The following TCF7L2 variants were observed in gnomAD, a reference collection of about 807,000 sequenced individuals.
TCF7L2 encodes the protein transcription factor 7 like 2, also known as transcription factor 7-like 2.
Under a neutral mutation model 77.9 loss-of-function variants are expected in TCF7L2, and 23 were observed. The observed-to-expected ratio is 0.30, with a 90% CI of 0.21 to 0.42. The LOEUF is 0.42. TCF7L2 is among the 10% of genes least tolerant of loss of function. The pLI is 1.00. For missense variants in TCF7L2, 654 were observed against 793.1 expected, an observed-to-expected ratio of 0.82 and a Z score of 2.11; for synonymous variants, 413 against 340.2, an observed-to-expected ratio of 1.21 and a Z score of -2.36.
chr10:113,045,780 T>C (rs2134401239), intron 5 of TCF7L2, among the ~76,000 whole-genome samples: 1 of 152,346 alleles, frequency 6.6e-6, no homozygotes, highest in African/African-American at 2.4e-5. Context: ...TTTTTATTTA[T>C]TTTATTCATT....
At chr10:113,072,749 T>C (rs1234620996) in intron 5 of TCF7L2, among the ~76,000 whole-genome samples, 1 of 152,190 alleles carries the variant, frequency 6.6e-6, no homozygotes, top group Non-Finnish European at 1.5e-5. Context: ...AAGTTTTTAT[T>C]TGTGGTGCAC....
At chr10:112,971,498 G>A (rs940209738) in intron 4 of TCF7L2, among the ~76,000 whole-genome samples, 2 of 151,772 alleles carry the variant, frequency 1.3e-5, no homozygotes, top group African/African-American at 4.8e-5. Flanking sequence ...TAGTAAAGAC[G>A]GGGGTTTCAC....
chr10:113,008,429 A>T (rs1034065823), intron 4 of TCF7L2, among the ~76,000 whole-genome samples: 1 of 152,204 alleles, frequency 6.6e-6, no homozygotes, highest in African/African-American at 2.4e-5. Context: ...TGGGGTCTTG[A>T]GACCCTGATG....
chr10:113,131,952 G>A (rs2742279), intron 5 of TCF7L2: 1 of 152,266 alleles, frequency 6.6e-6, no homozygotes, highest in South Asian at 2.1e-4. Context: ...AGAGGGAGCA[G>A]CAATTGTGTT....
Position 113,154,982 on chromosome 10 carries a change from ATT to A in TCF7L2, c.1269+2559_1269+2560del, listed in dbSNP as rs59885014. ...TGAATGTGGTAGCAACTTAACTAGT[ATT>A]TTTTTTTTTTTTTTTTAACTAACTT... On this transcript the variant is annotated intron_variant, in intron 11 of 13. Transcript: ENST00000627217. Among the ~76,000 whole-genome samples the A allele has an allele frequency of 7.4e-3, 1,058 of 143,862 alleles. 3 individuals are homozygous for A. The highest frequency in any genetic ancestry group is 0.014 in the South Asian group (61 of 4,470). The allele number at this position is 143,862 out of a possible 152,430, so 94.4% of individuals were successfully genotyped here.
intron 4 of TCF7L2, among the ~76,000 whole-genome samples, 169 bp downstream of exon 4, chr10:112,964,793 A>ATGGTGGTGGTGGTGG (rs1347417419): frequency 3.3e-5 from 2 of 61,288 alleles, no homozygotes; most frequent in South Asian, 5.4e-4. Flanking sequence ...GGTGGTGGTG[A>ATGGTGGTGGTGGTGG]TGGTGGTGGT....
chr10:113,118,518 GGGGTGTGTGTGTGT>G (rs1252567402), intron 5 of TCF7L2, among the ~76,000 whole-genome samples: 8 of 45,484 alleles, frequency 1.8e-4, no homozygotes, highest in African/African-American at 6.2e-4. Context: ...GGTCATCTGG[GGGGTGTGTGTGTGT>G]GTGTGTGTGT....
intron 4 of TCF7L2, among the ~76,000 whole-genome samples, chr10:113,023,957 A>G (rs1248376086): frequency 1.3e-5 from 2 of 151,446 alleles, no homozygotes; most frequent in Non-Finnish European, 2.9e-5. Context: ...TGCGACTTGC[A>G]TGTAGACAGT....
intron 4 of TCF7L2, among the ~76,000 whole-genome samples, chr10:112,966,167 C>G (rs7068313): frequency 1.5e-5 from 2 of 132,334 alleles, no homozygotes; most frequent in African/African-American, 6.3e-5. Context: ...AAGAGTGAGA[C>G]TCTGTCTAAA....
At chr10:113,112,949 C>CATTG (rs139460637) in intron 5 of TCF7L2, among the ~76,000 whole-genome samples, 192 of 152,284 alleles carry the variant, frequency 1.3e-3, no homozygotes, top group African/African-American at 4.2e-3. Context: ...TTCTATTTGT[C>CATTG]ATTGCGGTTT....
intron 4 of TCF7L2, among the ~76,000 whole-genome samples, chr10:113,035,454 T>C (rs1211030385): frequency 2.6e-5 from 4 of 152,230 alleles, no homozygotes; most frequent in African/African-American, 7.2e-5. Context: ...TTATTATCAT[T>C]ATTATTAATA....
chr10:113,027,781 C>G (rs1268923973), intron 4 of TCF7L2, among the ~76,000 whole-genome samples: 2 of 152,088 alleles, frequency 1.3e-5, no homozygotes, highest in Non-Finnish European at 2.9e-5. Flanking sequence ...CTTCTCTCCC[C>G]CCCTCACCCT....
chr10:112,967,721 C>T (rs1055556991), intron 4 of TCF7L2, among the ~76,000 whole-genome samples: 24 of 152,060 alleles, frequency 1.6e-4, no homozygotes, highest in African/African-American at 5.1e-4. Context: ...CCGCAACCTC[C>T]GCCTCCCAGG....
chr10:113,102,741 C>T (rs1381761495), intron 5 of TCF7L2, among the ~76,000 whole-genome samples: 2 of 152,066 alleles, frequency 1.3e-5, no homozygotes, highest in Admixed American at 6.6e-5. Flanking sequence ...TTTTAATTCA[C>T]TTCTTTGATT....
intron 4 of TCF7L2, among the ~76,000 whole-genome samples, chr10:112,984,371 A>G (rs764066806): frequency 1.1e-4 from 16 of 152,140 alleles, no homozygotes; most frequent in African/African-American, 3.9e-4. Flanking sequence ...AGGCTGCGGA[A>G]GGCCTGTTTT....
intron 4 of TCF7L2, among the ~76,000 whole-genome samples, chr10:112,977,762 G>T (rs1354361796): frequency 1.3e-5 from 2 of 152,182 alleles, no homozygotes; most frequent in Non-Finnish European, 2.9e-5. Context: ...TGGGGGAAAG[G>T]GATGTGCCGA....
chr10:113,136,424 T>C (rs1181775815), intron 5 of TCF7L2, among the ~76,000 whole-genome samples: 1 of 152,216 alleles, frequency 6.6e-6, no homozygotes, highest in Non-Finnish European at 1.5e-5. Flanking sequence ...TATTCATATA[T>C]GAGTGTTTGC....
intron 4 of TCF7L2, among the ~76,000 whole-genome samples, chr10:113,000,442 A>G (rs2044266950): frequency 1.3e-5 from 2 of 152,156 alleles, no homozygotes; most frequent in African/African-American, 4.8e-5. Context: ...ACTGGTAGGG[A>G]GTGGGTCATA....
intron 5 of TCF7L2, among the ~76,000 whole-genome samples, chr10:113,110,450 A>G (rs1275439935): frequency 1.3e-5 from 2 of 151,414 alleles, no homozygotes; most frequent in Non-Finnish European, 2.9e-5. Flanking sequence ...AATATCTGCA[A>G]CAAACAGCAC....
Sources: allele counts gnomAD v4.1 joint callset (sites outside exome capture counted in the v4.1 genomes callset), GRCh38; gene constraint gnomAD v4.1.1; transcripts MANE v1.5; gene names NCBI Gene and HGNC (gene_info 2026-07-23, HGNC 2026-07-21).